ANO4: variants seen among roughly 807,000 people sequenced by gnomAD.
The protein encoded by ANO4 is anoctamin 4, also known as anoctamin-4.
A neutral mutation model predicts 141.9 loss-of-function variants in ANO4; 69 were observed. The ratio of observed to expected loss-of-function variants is 0.49; its 90% CI spans 0.40 to 0.59. The LOEUF is 0.59. ANO4 is among the 20% of genes least tolerant of loss of function. The probability of loss-of-function intolerance (pLI) is 0.00; values close to 1 mark genes in which losing one functional copy is unlikely to be tolerated. For missense variants in ANO4, 894 were observed against 1,162.2 expected (o/e 0.77, Z 3.36); for synonymous variants, 350 against 394.3 (o/e 0.89, Z 1.33).
chr12:100,859,434 TTTG>T (rs1179295336), intron 1 of ANO4, among the ~76,000 whole-genome samples: 1 of 152,136 alleles, frequency 6.6e-6, no homozygotes, highest in African/African-American at 2.4e-5. Context: ...GAAAGAAGCC[TTTG>T]TTGTTTTAAG....
rs193283425 is a variant in ANO4 at position 100,800,208 on chromosome 12, A to G, written c.-141+5181A>G. 5.9e-5 allele frequency among the ~76,000 whole-genome samples: 9 copies of G among 152,286 alleles called. No homozygotes were observed. The East Asian group carries it at 9.7e-4, about 16-fold the overall frequency. On this transcript the variant is annotated intron_variant, in intron 1 of 27. Transcript: ENST00000392977. Reference sequence around the variant, plus strand: ...ACTATTTAAATGATCATTGATTTCTATGTAGAGGGGGTGATGTTTGTGAAT... The same window carrying G: ...ACTATTTAAATGATCATTGATTTCTGTGTAGAGGGGGTGATGTTTGTGAAT...
intron 11 of ANO4, among the ~76,000 whole-genome samples, chr12:101,041,676 A>G (rs578049768): frequency 6.6e-6 from 1 of 152,338 alleles, no homozygotes; most frequent in South Asian, 2.1e-4. Context: ...GGCCCTGCAT[A>G]CTTGAAACAT....
At chr12:100,895,168 A>T (rs2040291437) in intron 1 of ANO4, among the ~76,000 whole-genome samples, 1 of 151,508 alleles carries the variant, frequency 6.6e-6, no homozygotes, top group Admixed American at 6.6e-5. Flanking sequence ...TTAATTAAGA[A>T]TAGATGAGTC....
intron 1 of ANO4, among the ~76,000 whole-genome samples, chr12:100,726,852 G>A (rs933700980): frequency 6.6e-6 from 1 of 151,420 alleles, no homozygotes; most frequent in African/African-American, 2.4e-5. Context: ...TCTCTGTTTT[G>A]TTTGGCCAGT....
chr12:100,721,705 G>A (rs528353932), intron 1 of ANO4, among the ~76,000 whole-genome samples: 2 of 152,210 alleles, frequency 1.3e-5, no homozygotes, highest in African/African-American at 4.8e-5. Flanking sequence ...TTGAGACAAT[G>A]TCTCACTCTG....
In ANO4 at chr12:101,080,900, T is replaced by TATACAC. The variant is rs1194122665; in HGVS notation, c.1395+1626_1395+1627insTACACA. On this transcript the variant is annotated intron_variant, in intron 15 of 27. Coordinates refer to ENST00000392977, the MANE Select transcript of ANO4 (RefSeq NM_001286615.2). ...TATATATATTATATATATATATATA[T>TATACAC]ACATACACATATACATATATATAAA... Among the ~76,000 whole-genome samples the TATACAC allele has an allele frequency of 9.8e-4, 129 of 131,024 alleles. 4 individuals are homozygous for TATACAC. The highest frequency in any genetic ancestry group is 9.7e-3 in the South Asian group (39 of 4,040). The allele number at this position is 131,024 out of a possible 152,430, so 86.0% of individuals were successfully genotyped here.
Position 100,901,660 on chromosome 12 carries a change from A to C in ANO4, c.-126A>C, listed in dbSNP as rs957467218. 1 of 844,282 alleles carries C rather than the reference A, an allele frequency of 1.2e-6. No homozygotes were observed. Among genetic ancestry groups the C allele is most frequent in the African/African-American group, 1.7e-5 (1 of 60,216 alleles). 52.3% of individuals were successfully genotyped at this position (844,282 alleles called of 1,614,324 possible). A position where few individuals can be genotyped will look rare whatever the true frequency, so the allele number is the denominator to read the frequency against. On this transcript the variant is annotated 5_prime_UTR_variant, in exon 2 of 28. Coordinates refer to ENST00000392977, the MANE Select transcript of ANO4 (RefSeq NM_001286615.2). ...TCTCATTCCAGGTTTAAGTTTATCT[A>C]TTCATGGGGCTGAAAAGCGTTTGCA...
intron 1 of ANO4, among the ~76,000 whole-genome samples, chr12:100,832,573 ATAT>A (rs1443396130): frequency 6.6e-6 from 1 of 152,132 alleles, no homozygotes; most frequent in African/African-American, 2.4e-5. Context: ...GCTTAGGGAA[ATAT>A]TATTTTATGT....
intron 3 of ANO4, among the ~76,000 whole-genome samples, chr12:100,930,286 GT>G (rs2042036892): frequency 1.3e-5 from 2 of 152,174 alleles, no homozygotes; most frequent in South Asian, 4.2e-4. Flanking sequence ...TTTCTCTAAT[GT>G]TTCCTTTTAG....
chr12:100,822,097 A>C (rs1349237629), intron 1 of ANO4, among the ~76,000 whole-genome samples: 2 of 152,044 alleles, frequency 1.3e-5, no homozygotes, highest in Non-Finnish European at 2.9e-5. Context: ...CTTGGACAGA[A>C]CAGAACAAAT....
intron 3 of ANO4, among the ~76,000 whole-genome samples, chr12:100,926,528 G>C (rs1258780932): frequency 3.9e-5 from 6 of 152,050 alleles, no homozygotes; most frequent in African/African-American, 1.4e-4. Context: ...TCTTGTTTTG[G>C]TGTTCAACAG....
At chr12:100,838,662 T>C (rs931658539) in intron 1 of ANO4, among the ~76,000 whole-genome samples, 1 of 152,028 alleles carries the variant, frequency 6.6e-6, no homozygotes, top group African/African-American at 2.4e-5. Flanking sequence ...GAAAATAAAG[T>C]TTCATAAATA....
intron 1 of ANO4, among the ~76,000 whole-genome samples, chr12:100,849,609 C>T (rs1319831744): frequency 6.6e-6 from 1 of 152,174 alleles, no homozygotes; most frequent in Non-Finnish European, 1.5e-5. Context: ...AAGTATTCCA[C>T]TCTATGGATA....
chr12:100,822,315 A>G (rs577074369), intron 1 of ANO4, among the ~76,000 whole-genome samples: 1 of 152,136 alleles, frequency 6.6e-6, no homozygotes, highest in South Asian at 2.1e-4. Context: ...GTCAGCAGGT[A>G]GAAGGTTTTT....
At position 101,116,775 on chromosome 12, in the gene ANO4, G is replaced by A. The variant is rs762658538; in HGVS notation, c.2547G>A (p.Ser849=). 13 of 1,613,922 alleles carry A rather than the reference G, an allele frequency of 8.1e-6. No homozygotes were observed. The highest frequency in any genetic ancestry group is 1.1e-5 in the South Asian group (1 of 91,072). The change falls in exon 25 of 28, where the codon TCG becomes TCA. Residue 849 remains serine, a synonymous_variant. Transcript: ENST00000392977. ...CTGAATCTGATGGCAGTGAGTTCTC[G>A]GGGACTCCTCTTAAGTACTGCAGGT... The part of the protein sequence containing the change: ...SEPESDGSEF[S]GTPLKYCRYR...
chr12:101,069,024 A>T (rs1374894602), intron 14 of ANO4: 4 of 802,634 alleles, frequency 5.0e-6, no homozygotes, highest in Non-Finnish European at 9.0e-6. Flanking sequence ...AAGAGCAAAG[A>T]TGTCAAGTTG....
chr12:100,895,148 GT>G (rs35816641), intron 1 of ANO4, among the ~76,000 whole-genome samples: 20 of 147,864 alleles, frequency 1.4e-4, no homozygotes, highest in African/African-American at 2.0e-4. Context: ...CCTTCTACAG[GT>G]TTTTTTTTTT....
chr12:101,115,307 A>G (rs1453892280), intron 24 of ANO4, among the ~76,000 whole-genome samples: 1 of 152,108 alleles, frequency 6.6e-6, no homozygotes, highest in Non-Finnish European at 1.5e-5. Context: ...AGTTACGTAA[A>G]TCGGGTGTGG....
chr12:100,985,724 T>C (rs1190517829), intron 7 of ANO4, among the ~76,000 whole-genome samples: 2 of 152,160 alleles, frequency 1.3e-5, no homozygotes, highest in African/African-American at 2.4e-5. Flanking sequence ...TTGGGAGTTC[T>C]GAAGAAGGAC....
Sources: allele counts gnomAD v4.1 joint callset (sites outside exome capture counted in the v4.1 genomes callset), GRCh38; gene constraint gnomAD v4.1.1; transcripts MANE v1.5; gene names NCBI Gene and HGNC (gene_info 2026-07-23, HGNC 2026-07-21).